Variants in SEMA4D observed in about 807,000 individuals in gnomAD.
The protein encoded by SEMA4D is semaphorin-4D.
SEMA4D carries 22 observed loss-of-function variants against 74.8 expected under a neutral mutation model. The ratio of observed to expected loss-of-function variants is 0.29; its 90% CI spans 0.21 to 0.42. SEMA4D has a LOEUF of 0.42. Among genes scored for constraint, SEMA4D ranks in the 10% least tolerant of loss-of-function variants. The pLI, the probability that SEMA4D is intolerant of heterozygous loss-of-function variation, is 1.00. For synonymous variants in SEMA4D, 445 were observed against 463.7 expected (o/e 0.96, Z 0.52); for missense variants, 937 against 1,118.4 (o/e 0.84, Z 2.31).
chr9:89,493,895 T>G (rs1825812650), intron 1 of SEMA4D, among the ~76,000 whole-genome samples: 1 of 152,230 alleles, frequency 6.6e-6, no homozygotes, highest in South Asian at 2.1e-4. Flanking sequence ...CAGACCAGAC[T>G]TGGCCTTTGT....
rs959558920 is a variant in SEMA4D, at chr9:89,482,222, C to T, written c.-310+15697G>A. 2.0e-5 allele frequency among the ~76,000 whole-genome samples: 3 copies of T among 152,296 alleles called. No homozygotes were observed. In the South Asian group the frequency reaches 6.2e-4, roughly 32 times the overall value. ...TGTATCCTACTGCCCTCCTGGGACACGTCCACAGAGAATGTGCACCAGCAA... is the reference window on the plus strand; with the variant it reads ...TGTATCCTACTGCCCTCCTGGGACATGTCCACAGAGAATGTGCACCAGCAA... On this transcript the variant is annotated intron_variant, in intron 1 of 15. Coordinates refer to ENST00000422704, the MANE Select transcript of SEMA4D (RefSeq NM_001371194.2).
At chr9:89,424,368 G>C (rs1318645852) in intron 2 of SEMA4D, among the ~76,000 whole-genome samples, 1 of 152,150 alleles carries the variant, frequency 6.6e-6, no homozygotes, top group South Asian at 2.1e-4. Flanking sequence ...GGTTTTCCTA[G>C]ATCAACGTCA....
At chr9:89,485,766 C>A in intron 1 of SEMA4D, among the ~76,000 whole-genome samples, 1 of 104,882 alleles carries the variant, frequency 9.5e-6, no homozygotes, top group Non-Finnish European at 1.8e-5. Flanking sequence ...CCAGCCTGGG[C>A]AACAAGAGCA....
intron 1 of SEMA4D, among the ~76,000 whole-genome samples, chr9:89,485,952 C>G (rs889099146): frequency 1.3e-5 from 2 of 152,154 alleles, no homozygotes; most frequent in African/African-American, 4.8e-5. Flanking sequence ...CATTCTTATT[C>G]TCTCTGTTCT....
chr9:89,402,881 T>G lies in SEMA4D; in HGVS notation c.242A>C (p.Lys81Thr). 6.2e-7 allele frequency: 1 copy of G among 1,613,486 alleles called. No homozygotes were observed. The highest frequency in any genetic ancestry group is 8.5e-7 in the Non-Finnish European group (1 of 1,179,522). ...FAVNALNISEKQHEVYWKVSE... is the reference protein window; with the variant it reads ...FAVNALNISETQHEVYWKVSE... ...GAGCCCAGGACGTACCTCATGCTGC[T>G]TCTCGGAGATGTTGAGTGCGTTCAC... The change falls in exon 4 of 16, where the codon AAG becomes ACG. Residue 81 changes from lysine to threonine, a missense_variant. Coordinates refer to ENST00000422704, the MANE Select transcript of SEMA4D (RefSeq NM_001371194.2).
chr9:89,481,626 G>A (rs1026726025), intron 1 of SEMA4D, among the ~76,000 whole-genome samples: 13 of 152,210 alleles, frequency 8.5e-5, no homozygotes, highest in African/African-American at 4.8e-5. Flanking sequence ...CACACACACC[G>A]GAATACGTGG....
At chr9:89,379,719 G>GT (rs1836575784) in intron 15 of SEMA4D, 90 bp from the exon 16 acceptor site, 1 of 1,413,746 alleles carries the variant, frequency 7.1e-7, no homozygotes, top group African/African-American at 1.4e-5. Context: ...TGACGCAAGA[G>GT]TTTCACCCAC....
chr9:89,433,542 G>GA (rs1489952905), intron 2 of SEMA4D, among the ~76,000 whole-genome samples: 9 of 152,236 alleles, frequency 5.9e-5, no homozygotes, highest in African/African-American at 2.2e-4. Flanking sequence ...GTCCTAGAGA[G>GA]GGACTGTGCA....
rs183182659 is a variant in SEMA4D, at chr9:89,404,448, C to A, written c.106+903G>T. Among the ~76,000 whole-genome samples the A allele has an allele frequency of 1.7e-4, 26 of 152,332 alleles. No homozygotes were observed. In the East Asian group the frequency reaches 5.0e-3, roughly 29 times the overall value. On this transcript the variant is annotated intron_variant, in intron 3 of 15. Coordinates refer to ENST00000422704, the MANE Select transcript of SEMA4D (RefSeq NM_001371194.2). ...CCTTAGATCAGCTGAGTAGGCCTGT[C>A]TGCTCAGACAAAAGTTCTCAGAGCA...
chr9:89,435,692 C>T (rs1850236463), intron 2 of SEMA4D, among the ~76,000 whole-genome samples: 1 of 152,224 alleles, frequency 6.6e-6, no homozygotes, highest in Non-Finnish European at 1.5e-5. Flanking sequence ...TTATGCAGAG[C>T]AAGTCCTACA....
At chr9:89,466,164 T>C (rs1858639178) in intron 1 of SEMA4D, among the ~76,000 whole-genome samples, 1 of 152,094 alleles carries the variant, frequency 6.6e-6, no homozygotes, top group South Asian at 2.1e-4. Context: ...CGTAGCACAG[T>C]GCCGCAGCTC....
chr9:89,363,996 C>T (rs749680588), intron 16 of SEMA4D: 1 of 1,613,640 alleles, frequency 6.2e-7, no homozygotes, highest in African/African-American at 1.3e-5. Context: ...ATTTAGGACC[C>T]AAAGAAGCTG....
intron 13 of SEMA4D, chr9:89,385,987 G>A (rs1334436653): frequency 1.6e-5 from 16 of 984,448 alleles, no homozygotes; most frequent in Admixed American, 1.2e-4. Flanking sequence ...GATTTTCCAC[G>A]GTGACGAGTC....
chr9:89,461,455 C>T (rs1398666001), intron 1 of SEMA4D, among the ~76,000 whole-genome samples: 1 of 152,150 alleles, frequency 6.6e-6, no homozygotes, highest in East Asian at 1.9e-4. Flanking sequence ...GCGTCTTTCA[C>T]ATGGATGGCT....
intron 2 of SEMA4D, among the ~76,000 whole-genome samples, chr9:89,413,619 G>A (rs1303830182): frequency 6.6e-6 from 1 of 152,250 alleles, no homozygotes; most frequent in African/African-American, 2.4e-5. Context: ...ACATGCATGT[G>A]TATGTCTGTG....
At chr9:89,370,126 GTGTT>G (rs1834323779) in intron 16 of SEMA4D, among the ~76,000 whole-genome samples, 2 of 151,836 alleles carry the variant, frequency 1.3e-5, no homozygotes, top group African/African-American at 2.4e-5. Context: ...TGTGTGGTGT[GTGTT>G]GGTATGTGTG....
At chr9:89,483,085 G>C (rs575723926) in intron 1 of SEMA4D, among the ~76,000 whole-genome samples, 3 of 152,322 alleles carry the variant, frequency 2.0e-5, no homozygotes, top group Admixed American at 2.0e-4. Flanking sequence ...GTTTCGCCAA[G>C]CTGGCAAAAA....
chr9:89,371,469 G>T (rs1295697011), intron 16 of SEMA4D, among the ~76,000 whole-genome samples: 3 of 96,782 alleles, frequency 3.1e-5, no homozygotes, highest in African/African-American at 1.2e-4. Flanking sequence ...GTGTGTGTGT[G>T]GGGTGTGATG....
intron 1 of SEMA4D, among the ~76,000 whole-genome samples, chr9:89,470,517 G>T (rs1272773061): frequency 1.3e-5 from 2 of 152,166 alleles, no homozygotes; most frequent in Non-Finnish European, 2.9e-5. Flanking sequence ...TGGCTGGTGA[G>T]ACTGTAATAT....
Sources: gnomAD v4.1 joint callset for allele counts (sites outside exome capture counted in the v4.1 genomes callset) on GRCh38, gnomAD v4.1.1 for gene constraint, MANE v1.5 for transcripts, NCBI Gene and HGNC (gene_info 2026-07-23, HGNC 2026-07-21) for gene names.